The following CMYA5 variants were observed in gnomAD, a reference collection of about 807,000 sequenced individuals.
CMYA5 encodes the protein cardiomyopathy associated 5, also known as cardiomyopathy-associated protein 5.
In CMYA5, 246 loss-of-function variants were observed where a neutral mutation model predicts 318.9. The observed-to-expected ratio is 0.77, with a 90% CI of 0.70 to 0.86. The LOEUF (loss-of-function observed/expected upper bound fraction) is 0.86. CMYA5 is among the 40% of genes least tolerant of loss of function. CMYA5 has a pLI of 0.00. For missense variants in CMYA5, 4,589 were observed against 4,678.2 expected (o/e 0.98, Z 0.56); for synonymous variants, 1,641 against 1,729.5 (o/e 0.95, Z 1.27).
intron 4 of CMYA5, among the ~76,000 whole-genome samples, chr5:79,746,565 A>AAG (rs1828327826): frequency 1.3e-5 from 2 of 151,598 alleles, no homozygotes; most frequent in East Asian, 3.9e-4. Flanking sequence ...AAAAAAAAAA[A>AAG]AAAAAGGCAT....
intron 1 of CMYA5, among the ~76,000 whole-genome samples, chr5:79,715,432 C>T (rs762464115): frequency 2.0e-5 from 3 of 152,042 alleles, no homozygotes; most frequent in African/African-American, 4.8e-5. Context: ...GGACTACAGG[C>T]GCCCGCCACC....
At chr5:79,706,892 C>T (rs1827284861) in intron 1 of CMYA5, among the ~76,000 whole-genome samples, 3 of 152,104 alleles carry the variant, frequency 2.0e-5, no homozygotes, top group Non-Finnish European at 4.4e-5. Flanking sequence ...TGAGTTGTTT[C>T]CTAGGTTCAT....
chr5:79,787,074 TTCA>T (rs1165207478), intron 9 of CMYA5, among the ~76,000 whole-genome samples: 1 of 152,186 alleles, frequency 6.6e-6, no homozygotes, highest in Non-Finnish European at 1.5e-5. Context: ...CTTGACAGAC[TTCA>T]TCATCTTAAG....
chr5:79,739,529 G>A, intron 2 of CMYA5, 126 bp downstream of exon 2: 1 of 763,752 alleles, frequency 1.3e-6, no homozygotes, highest in Non-Finnish European at 1.9e-6. Flanking sequence ...TGGTCTGAAA[G>A]CAAACTAAGA....
chr5:79,703,870 T>C (rs113361147), intron 1 of CMYA5, among the ~76,000 whole-genome samples: 2,511 of 152,238 alleles, frequency 0.016, 62 homozygotes, highest in African/African-American at 0.057. Context: ...GCAGAAGGAT[T>C]GATTGAGCCC....
intron 1 of CMYA5, among the ~76,000 whole-genome samples, chr5:79,710,720 T>A (rs1827373018): frequency 6.6e-6 from 1 of 152,166 alleles, no homozygotes; most frequent in Non-Finnish European, 1.5e-5. Flanking sequence ...TTTTTACAGG[T>A]AGGACCTAAA....
intron 1 of CMYA5, among the ~76,000 whole-genome samples, chr5:79,723,775 T>TG (rs899991047): frequency 2.4e-5 from 2 of 83,820 alleles, no homozygotes; most frequent in African/African-American, 1.4e-4. Context: ...AACAAAACAA[T>TG]GAAAAAAAAA....
Position 79,730,703 on chromosome 5 carries a change from C to T in CMYA5, c.1938C>T (p.Ala646=). The T allele has an allele frequency of 6.2e-7, 1 of 1,613,880 alleles. No homozygotes were observed. Among genetic ancestry groups the T allele is most frequent in the Non-Finnish European group, 8.5e-7 (1 of 1,179,848 alleles). The change falls in exon 2 of 13, where the codon GCC becomes GCT. Residue 646 remains alanine, a synonymous_variant. Coordinates refer to ENST00000446378, the MANE Select transcript of CMYA5 (RefSeq NM_153610.5). ...TTGAGGCTTATTCCCCAGCTGCAGC[C>T]CCTACATCTGAGAGCTCTCTCTCAC... The part of the protein sequence containing the change: ...EEFEAYSPAA[A]PTSESSLSPS...
At position 79,736,028 on chromosome 5, in the gene CMYA5, A is replaced by G. The variant is rs200707738; in HGVS notation, c.7263A>G (p.Leu2421=). 219 of 1,612,920 alleles carry G rather than the reference A, an allele frequency of 1.4e-4. 2 individuals are homozygous for G. Among genetic ancestry groups the G allele is most frequent in the Admixed American group, 2.0e-4 (12 of 59,826 alleles). ...CAGTAGAAGAATCAAAAGGCAGTTT[A>G]ATTGATTTCAGTGAAGACAGACTCA... ...ILPVEESKGS[L]IDFSEDRLKK... is the part of the protein sequence containing the mutation. The change falls in exon 2 of 13, where the codon TTA becomes TTG. Residue 2421 remains leucine, a synonymous_variant. Transcript: ENST00000446378.
At position 79,739,422 on chromosome 5, in the gene CMYA5, C is replaced by T; in HGVS notation, c.10638+19C>T. ...TGTAAAGGTAAATAGATGTTGAACA[C>T]ACATAATTAATAATATATATATACA... is the stretch of plus-strand genomic sequence containing the variant. On this transcript the variant is annotated intron_variant, in intron 2 of 12. Coordinates refer to ENST00000446378, the MANE Select transcript of CMYA5 (RefSeq NM_153610.5). 1 of 1,453,020 alleles carries T rather than the reference C, an allele frequency of 6.9e-7. No individual in the cohort carries two copies. Among genetic ancestry groups the T allele is most frequent in the Non-Finnish European group, 9.1e-7 (1 of 1,099,620 alleles). 90.0% of individuals were successfully genotyped at this position (1,453,020 alleles called of 1,614,324 possible). A position where few individuals can be genotyped will look rare whatever the true frequency, so the allele number is the denominator to read the frequency against.
intron 6 of CMYA5, among the ~76,000 whole-genome samples, chr5:79,753,743 C>T (rs562423567): frequency 9.0e-5 from 11 of 122,424 alleles, no homozygotes; most frequent in Admixed American, 5.8e-4. Context: ...AAAAACAACA[C>T]GACACCACAC....
rs777880979 is a variant in CMYA5 at position 79,731,986 on chromosome 5, C to T, written c.3221C>T (p.Pro1074Leu). 31 of 1,613,634 alleles carry T rather than the reference C, an allele frequency of 1.9e-5. No homozygotes were observed. The highest frequency in any genetic ancestry group is 8.8e-5 in the South Asian group (8 of 91,056). The change falls in exon 2 of 13, where the codon CCG becomes CTG. Residue 1074 changes from proline (P) to leucine (L), a missense_variant. Coordinates refer to ENST00000446378, the MANE Select transcript of CMYA5 (RefSeq NM_153610.5). ...QKAETFPLMSPLEDLSLPPST... is the reference protein window; with the variant it reads ...QKAETFPLMSLLEDLSLPPST... ...GCTGAAACTTTCCCTTTGATGTCTC[C>T]GCTTGAAGACTTAAGTCTGCCGCCT...
chr5:79,709,039 A>G (rs1385803713), intron 1 of CMYA5, among the ~76,000 whole-genome samples: 1 of 152,162 alleles, frequency 6.6e-6, no homozygotes, highest in Non-Finnish European at 1.5e-5. Context: ...ATTGTATTTC[A>G]GAGAAGAAAG....
In CMYA5 at chr5:79,799,591, C is replaced by G. The variant is rs2151102661; in HGVS notation, c.12185C>G (p.Pro4062Arg). Residue 4062 changes from proline (P) to arginine (R), a missense_variant, in exon 13 of 13, where the codon CCC becomes CGC. Pro to Arg is a moderately radical substitution (Grantham distance 103, BLOSUM62 -2). This residue lies in a region of CMYA5 where 2,431 missense variants were observed against 2,495.1 expected (regional missense o/e 0.97). Transcript: ENST00000446378. The stretch of plus-strand genomic sequence containing the variant: ...TGTACTTTGCACCTGGGGATAGAGC[C>G]CCCGGATTCTGTAAGGCACAAGTGA... Reference protein sequence around the residue: ...GKCTLHLGIEPPDSVRHK With the variant: ...GKCTLHLGIERPDSVRHK 3 of 1,613,130 alleles carry G rather than the reference C, an allele frequency of 1.9e-6. No homozygotes were observed. The highest frequency in any genetic ancestry group is 1.7e-5 in the Admixed American group (1 of 59,938).
intron 1 of CMYA5, among the ~76,000 whole-genome samples, chr5:79,720,546 C>T (rs1233823744): frequency 1.3e-5 from 2 of 150,702 alleles, no homozygotes; most frequent in African/African-American, 4.9e-5. Flanking sequence ...AGGCAATTCT[C>T]CTGCCTCAGC....
intron 5 of CMYA5, among the ~76,000 whole-genome samples, chr5:79,751,373 A>G (rs984890281): frequency 2.6e-5 from 4 of 152,054 alleles, no homozygotes; most frequent in Admixed American, 6.6e-5. Flanking sequence ...TCTATCTGCA[A>G]TGCCCTTACT....
intron 1 of CMYA5, among the ~76,000 whole-genome samples, chr5:79,702,188 G>A (rs1188847146): frequency 3.3e-5 from 5 of 152,152 alleles, no homozygotes; most frequent in Non-Finnish European, 5.9e-5. Context: ...GCCAAGGCAG[G>A]AGGATCATTT....
Position 79,750,722 on chromosome 5 carries a change from A to AT in CMYA5, c.10992-1946dup, listed in dbSNP as rs377487068. Among the ~76,000 whole-genome samples the AT allele has an allele frequency of 3.0e-4, 45 of 152,118 alleles. 1 individual carries two copies. The highest frequency in any genetic ancestry group is 1.0e-3 in the African/African-American group (43 of 41,488). On this transcript the variant is annotated intron_variant, in intron 5 of 12. Coordinates refer to ENST00000446378, the MANE Select transcript of CMYA5 (RefSeq NM_153610.5). The stretch of plus-strand genomic sequence containing the variant: ...AAAATGCTGTTTGTTGAGGGGATTC[A>AT]TTTTTTTTCTCCGTTTTGCTCTTTT...
Position 79,732,009 on chromosome 5 carries a change from C to A in CMYA5, c.3244C>A (p.Pro1082Thr). ...TCCGCTTGAAGACTTAAGTCTGCCG[C>A]CTTCAACAGATAAATCAGAGAAAGC... is the stretch of plus-strand genomic sequence containing the variant. ...MSPLEDLSLP[P>T]STDKSEKAEI... is the part of the protein sequence containing the mutation. Residue 1082 changes from proline (P) to threonine (T), a missense_variant, in exon 2 of 13, where the codon CCT becomes ACT. Around this residue, in one of 3 missense-constraint regions of CMYA5, gnomAD observed 2,132 missense variants for 2,131.3 expected, o/e 1.00. Coordinates refer to ENST00000446378, the MANE Select transcript of CMYA5 (RefSeq NM_153610.5). 1 of 1,613,932 alleles carries A rather than the reference C, an allele frequency of 6.2e-7. No individual in the cohort carries two copies. The highest frequency in any genetic ancestry group is 8.5e-7 in the Non-Finnish European group (1 of 1,179,866).
Sources: gnomAD v4.1 joint callset for allele counts (sites outside exome capture counted in the v4.1 genomes callset) on GRCh38, gnomAD v4.1.1 for gene constraint, gnomAD v4.1.1 regional missense constraint, MANE v1.5 for transcripts, NCBI Gene and HGNC (gene_info 2026-07-23, HGNC 2026-07-21) for gene names.